The following TAF1A variants were observed in gnomAD, a reference collection of about 807,000 sequenced individuals.
TAF1A encodes the protein TATA-box binding protein associated factor, RNA polymerase I subunit A.
In TAF1A, 42 loss-of-function variants were observed where a neutral mutation model predicts 61.6. That is an observed-to-expected ratio of 0.68 (90% confidence interval 0.53 to 0.88). The LOEUF is 0.88. Ranked by LOEUF, TAF1A falls within the 40% of genes least tolerant of loss-of-function variation. The probability of loss-of-function intolerance (pLI) is 0.00; values close to 1 mark genes in which losing one functional copy is unlikely to be tolerated. For missense variants in TAF1A, 424 were observed against 518.7 expected (o/e 0.82, Z 1.77); for synonymous variants, 179 against 177.7 (o/e 1.01, Z -0.06).
intron 10 of TAF1A, among the ~76,000 whole-genome samples, chr1:222,559,281 A>G (rs1040604536): frequency 6.6e-6 from 1 of 152,246 alleles, no homozygotes; most frequent in Non-Finnish European, 1.5e-5. Flanking sequence ...GAATAAACAA[A>G]TCATAGGTTA....
rs1660612046 is a variant in TAF1A, at chr1:222,577,375, T to C, written c.604+70A>G. On this transcript the variant is annotated intron_variant, in intron 5 of 10. Coordinates refer to ENST00000352967, the MANE Select transcript of TAF1A (RefSeq NM_005681.4). ...TGGATGAAGTCAATAGGGAAATTAC[T>C]AGATTACTCCTTAAGATCCCTCTGC... 4 of 1,260,586 alleles carry C rather than the reference T, an allele frequency of 3.2e-6. No homozygotes were observed. In the Admixed American group the frequency reaches 5.9e-5, roughly 19 times the overall value. 78.1% of individuals were successfully genotyped at this position (1,260,586 alleles called of 1,614,324 possible). A position where few individuals can be genotyped will look rare whatever the true frequency, so the allele number is the denominator to read the frequency against.
Position 222,564,120 on chromosome 1 carries a change from CA to C in TAF1A, c.899del (p.Leu300CysfsTer10). On this transcript the variant is annotated frameshift_variant, in exon 8 of 11. Coordinates refer to ENST00000352967, the MANE Select transcript of TAF1A (RefSeq NM_005681.4). LOFTEE classifies it high-confidence loss of function. ...RSKLISVLKI[L>X]YQIVPSHKLM... Reference sequence around the variant, plus strand: ...ATTTATGAGATGGTACAATCTGATACAAAATCTGAAAGAAAGAACAGTCTTG... The same window carrying C: ...ATTTATGAGATGGTACAATCTGATACAAATCTGAAAGAAAGAACAGTCTTG... 1 of 1,550,660 alleles carries C rather than the reference CA, an allele frequency of 6.4e-7. No individual in the cohort carries two copies. The highest frequency in any genetic ancestry group is 8.8e-7 in the Non-Finnish European group (1 of 1,130,668).
chr1:222,556,635 T>TA (rs1380430896), downstream of TAF1A, among the ~76,000 whole-genome samples: 2 of 152,220 alleles, frequency 1.3e-5, no homozygotes, highest in African/African-American at 4.8e-5. Flanking sequence ...TCAGTGGACC[T>TA]AAAAAAAGTT....
intron 2 of TAF1A, among the ~76,000 whole-genome samples, chr1:222,585,413 C>T (rs1006991584): frequency 2.1e-5 from 3 of 144,494 alleles, no homozygotes; most frequent in African/African-American, 7.8e-5. Flanking sequence ...AAGTCACCCA[C>T]AAATACATAA....
rs770962129 is a variant in TAF1A, at chr1:222,577,634, G to A, written c.415C>T (p.Gln139Ter). 1.2e-6 allele frequency: 2 copies of A among 1,613,664 alleles called. No homozygotes were observed. Among genetic ancestry groups the A allele is most frequent in the South Asian group, 2.2e-5 (2 of 91,074 alleles). The change falls in exon 5 of 11, where the codon CAA becomes TAA. Residue 139 changes from glutamine (Q) to a stop codon, truncating the protein, a stop_gained. Transcript: ENST00000352967. LOFTEE classifies it high-confidence loss of function. ...GVMNYLKISL[Q>*]HALYLLHHGM... ...TGATGCAGAAGGTATAATGCATGTT[G>A]TAAGGAGATCTGCAAAAATAATAAG...
chr1:222,562,976 A>G (rs1659974256), intron 9 of TAF1A, among the ~76,000 whole-genome samples, 197 bp downstream of exon 9: 1 of 152,228 alleles, frequency 6.6e-6, no homozygotes, highest in African/African-American at 2.4e-5. Context: ...GCATAAAAAA[A>G]TTGATAGAAT....
Position 222,558,774 on chromosome 1 carries a change from T to C in TAF1A, c.1241-2A>G. On this transcript the variant is annotated splice_acceptor_variant, in intron 10 of 10. Coordinates refer to ENST00000352967, the MANE Select transcript of TAF1A (RefSeq NM_005681.4). LOFTEE classifies it high-confidence loss of function. ...AAATATACCGGAAATATCTACAACC[T>C]AAAAAGTTAAGCAAAATAAAAAGTT... is the stretch of plus-strand genomic sequence containing the variant. 1 of 1,463,638 alleles carries C rather than the reference T, an allele frequency of 6.8e-7. No homozygotes were observed. The highest frequency in any genetic ancestry group is 9.2e-7 in the Non-Finnish European group (1 of 1,085,086). 90.7% of individuals were successfully genotyped at this position (1,463,638 alleles called of 1,614,324 possible).
downstream of TAF1A, among the ~76,000 whole-genome samples, chr1:222,556,108 A>G (rs1418755429): frequency 2.6e-5 from 4 of 152,186 alleles, no homozygotes; most frequent in African/African-American, 9.7e-5. Context: ...GTTATGGATT[A>G]CAGAAGCATA....
rs147990575 is a variant in TAF1A, at chr1:222,589,156, A to G, written c.-3+571T>C. Among the ~76,000 whole-genome samples the G allele has an allele frequency of 1.4e-3, 209 of 152,284 alleles. 1 individual carries two copies. Among genetic ancestry groups the G allele is most frequent in the African/African-American group, 4.8e-3 (199 of 41,548 alleles). ...GTGTGGAGGAGGGGTGCGGAAGGTG[A>G]GAAACGAACCTAGAAAAATCATCAT... On this transcript the variant is annotated intron_variant, in intron 1 of 10. Transcript: ENST00000352967.
intron 10 of TAF1A, 130 bp from the exon 11 acceptor site, chr1:222,558,902 A>G (rs1028614677): frequency 1.1e-5 from 5 of 466,212 alleles, no homozygotes; most frequent in Non-Finnish European, 1.9e-5. Flanking sequence ...TGTATTATCA[A>G]TATGTCCTAA....
intron 5 of TAF1A, among the ~76,000 whole-genome samples, chr1:222,576,191 G>C (rs2102663337): frequency 6.6e-6 from 1 of 152,246 alleles, no homozygotes; most frequent in South Asian, 2.1e-4. Context: ...TGAGGGTTTG[G>C]GACAGCGATC....
At chr1:222,588,305 T>G in intron 2 of TAF1A, 138 bp downstream of exon 2, 1 of 1,014,336 alleles carries the variant, frequency 9.9e-7, no homozygotes, top group Admixed American at 2.4e-5. Flanking sequence ...GAAAAAAGAT[T>G]TCTTTTGGCT....
chr1:222,568,558 A>G (rs1660214503), intron 7 of TAF1A, among the ~76,000 whole-genome samples: 1 of 152,206 alleles, frequency 6.6e-6, no homozygotes, highest in South Asian at 2.1e-4. Flanking sequence ...TTAATGCCAC[A>G]TGGGACACCC....
At chr1:222,579,933 A>G in intron 3 of TAF1A, 61 bp from the exon 4 acceptor site, 1 of 1,559,628 alleles carries the variant, frequency 6.4e-7, no homozygotes, top group African/African-American at 1.4e-5. Context: ...TTTCTGTCTA[A>G]GATATTGTTT....
At chr1:222,567,802 ATG>A (rs1173178606) in intron 7 of TAF1A, among the ~76,000 whole-genome samples, 1 of 152,228 alleles carries the variant, frequency 6.6e-6, no homozygotes, top group Non-Finnish European at 1.5e-5. Flanking sequence ...TATGACTTTC[ATG>A]ATATGATTCC....
At chr1:222,559,738 C>G (rs1003698972) in intron 10 of TAF1A, among the ~76,000 whole-genome samples, 2 of 151,894 alleles carry the variant, frequency 1.3e-5, no homozygotes, top group African/African-American at 4.8e-5. Flanking sequence ...TTTCAAACTC[C>G]TGGGCTCAAG....
intron 9 of TAF1A, among the ~76,000 whole-genome samples, chr1:222,562,727 G>A (rs1006796183): frequency 7.2e-5 from 11 of 152,088 alleles, no homozygotes; most frequent in African/African-American, 2.7e-4. Flanking sequence ...TGGATTTAAT[G>A]AGTATTTGTT....
chr1:222,579,781 A>G lies in TAF1A; in HGVS notation c.383T>C (p.Ile128Thr), dbSNP rs1660713088. Residue 128 changes from isoleucine to threonine, a missense_variant, in exon 4 of 11, where the codon ATT becomes ACT. Transcript: ENST00000352967. The stretch of plus-strand genomic sequence containing the variant: ...CACCTTTAAATAATTCATGACGCCA[A>G]TATTTTTCATCCGGTTAGCAAAAGT... ...FNTFANRMKNIGVMNYLKISL... is the reference protein window; with the variant it reads ...FNTFANRMKNTGVMNYLKISL... The G allele has an allele frequency of 6.2e-7, 1 of 1,611,112 alleles. No homozygotes were observed. The highest frequency in any genetic ancestry group is 1.1e-5 in the South Asian group (1 of 90,026).
At chr1:222,577,245 T>C (rs1331502388) in intron 5 of TAF1A, among the ~76,000 whole-genome samples, 200 bp downstream of exon 5, 1 of 152,228 alleles carries the variant, frequency 6.6e-6, no homozygotes. Flanking sequence ...GATCATGAAC[T>C]TAATTATGAA....
Sources: allele counts gnomAD v4.1 joint callset (sites outside exome capture counted in the v4.1 genomes callset), GRCh38; gene constraint gnomAD v4.1.1; transcripts MANE v1.5; gene names NCBI Gene and HGNC (gene_info 2026-07-23, HGNC 2026-07-21).